The following CHRM3 variants were observed in gnomAD, a reference collection of about 807,000 sequenced individuals.
CHRM3 encodes muscarinic acetylcholine receptor M3.
In CHRM3, 11 loss-of-function variants were observed where a neutral mutation model predicts 41.8. The observed-to-expected ratio is 0.26, with a 90% CI of 0.17 to 0.44. CHRM3 has a LOEUF of 0.44. Ranked by LOEUF, CHRM3 falls within the 20% of genes least tolerant of loss-of-function variation. The pLI, the probability that CHRM3 is intolerant of heterozygous loss-of-function variation, is 1.00. For missense variants in CHRM3, 571 were observed against 745.4 expected, an observed-to-expected ratio of 0.77 and a Z score of 2.72; for synonymous variants, 297 against 301.4, an observed-to-expected ratio of 0.99 and a Z score of 0.15.
chr1:239,712,929 C>G (rs1433824702), intron 5 of CHRM3, among the ~76,000 whole-genome samples: 1 of 152,138 alleles, frequency 6.6e-6, no homozygotes, highest in Non-Finnish European at 1.5e-5. Context: ...AGGATTTAAA[C>G]ATAGGTATGA....
intron 1 of CHRM3, among the ~76,000 whole-genome samples, chr1:239,464,875 G>T (rs932810037): frequency 6.6e-6 from 1 of 151,886 alleles, no homozygotes; most frequent in African/African-American, 2.4e-5. Flanking sequence ...TTATGTTTTC[G>T]TTTGAGATGT....
intron 6 of CHRM3, chr1:239,897,869 C>T (rs1329171753): frequency 6.6e-6 from 1 of 152,202 alleles, no homozygotes; most frequent in Non-Finnish European, 1.5e-5. Context: ...GCTACTGCTA[C>T]ACGTAAGAGG....
rs191813612 is a variant in CHRM3, at chr1:239,446,205, A to G, written c.-520-46504A>G. On this transcript the variant is annotated intron_variant, in intron 1 of 6. Transcript: ENST00000676153. ...CCGCCTTGGCCTCCCAAAGTGTTGCAATTACAGGCGTGAGCCACCATGCCT... is the reference window on the plus strand; with the variant it reads ...CCGCCTTGGCCTCCCAAAGTGTTGCGATTACAGGCGTGAGCCACCATGCCT... Among the ~76,000 whole-genome samples the G allele has an allele frequency of 7.6e-3, 1,155 of 152,266 alleles. 8 individuals carry two copies. Among genetic ancestry groups the G allele is most frequent in the African/African-American group, 0.024 (1,015 of 41,548 alleles).
At chr1:239,505,490 C>G (rs1027057796) in intron 2 of CHRM3, among the ~76,000 whole-genome samples, 1 of 152,148 alleles carries the variant, frequency 6.6e-6, no homozygotes, top group Non-Finnish European at 1.5e-5. Flanking sequence ...TGCACAAGCT[C>G]TCTTCTCTTG....
chr1:239,699,176 G>C (rs1660461700), intron 5 of CHRM3, among the ~76,000 whole-genome samples: 1 of 151,756 alleles, frequency 6.6e-6, no homozygotes, highest in Non-Finnish European at 1.5e-5. Context: ...AGTATGTTCT[G>C]TTTTACTACA....
chr1:239,786,706 G>A (rs932376100), intron 5 of CHRM3, among the ~76,000 whole-genome samples: 2 of 144,842 alleles, frequency 1.4e-5, no homozygotes, highest in African/African-American at 5.4e-5. Flanking sequence ...GAGGGCAGGC[G>A]GGCCTTCCAC....
intron 6 of CHRM3, among the ~76,000 whole-genome samples, chr1:239,866,004 C>G (rs918427491): frequency 6.6e-6 from 1 of 152,088 alleles, no homozygotes; most frequent in African/African-American, 2.4e-5. Flanking sequence ...TGATTTAATC[C>G]TGGCAACAGC....
chr1:239,515,173 A>G (rs1669175542), intron 2 of CHRM3, among the ~76,000 whole-genome samples: 1 of 152,218 alleles, frequency 6.6e-6, no homozygotes, highest in South Asian at 2.1e-4. Flanking sequence ...GTTAGTATAT[A>G]TATTTCTCTA....
chr1:239,438,763 A>C (rs1423830002), intron 1 of CHRM3, among the ~76,000 whole-genome samples: 1 of 152,206 alleles, frequency 6.6e-6, no homozygotes, highest in Admixed American at 6.5e-5. Context: ...ATAAGTGTGC[A>C]TCTAAAAAGA....
intron 1 of CHRM3, among the ~76,000 whole-genome samples, chr1:239,442,247 C>T (rs1663785745): frequency 6.6e-6 from 1 of 151,842 alleles, no homozygotes; most frequent in Non-Finnish European, 1.5e-5. Context: ...GCTGGGATTA[C>T]AGGCACCTGT....
intron 6 of CHRM3, chr1:239,899,813 G>C (rs1405453761): frequency 6.6e-6 from 1 of 152,136 alleles, no homozygotes; most frequent in Non-Finnish European, 1.5e-5. Flanking sequence ...TCTGGTGCCT[G>C]GAACACTTCA....
chr1:239,449,303 G>A (rs1664390344), intron 1 of CHRM3, among the ~76,000 whole-genome samples: 2 of 152,120 alleles, frequency 1.3e-5, no homozygotes, highest in African/African-American at 4.8e-5. Flanking sequence ...CTCAATGTAG[G>A]TATTTAGTAA....
At position 239,877,196 on chromosome 1, in the gene CHRM3, A is replaced by T. The variant is rs544072179; in HGVS notation, c.-19-30237A>T. Among the ~76,000 whole-genome samples, 11 of 152,342 alleles carry T rather than the reference A, an allele frequency of 7.2e-5. No individual in the cohort carries two copies. In the South Asian group the frequency reaches 2.1e-3, roughly 29 times the overall value. On this transcript the variant is annotated intron_variant, in intron 6 of 6. Transcript: ENST00000676153. ...ATTCTAGTGAATCATCCCTTTGGAA[A>T]CTAATTGAAAGTTTTTTTATTTTGA...
intron 1 of CHRM3, among the ~76,000 whole-genome samples, chr1:239,477,312 A>G (rs1666532253): frequency 6.6e-6 from 1 of 152,336 alleles, no homozygotes; most frequent in Non-Finnish European, 1.5e-5. Flanking sequence ...TAAAGAGAGC[A>G]TGTAGAGAAA....
intron 2 of CHRM3, among the ~76,000 whole-genome samples, chr1:239,527,197 A>G (rs890686704): frequency 2.2e-4 from 33 of 152,200 alleles, no homozygotes; most frequent in African/African-American, 2.4e-5. Context: ...TTAACAACCT[A>G]CAAAACAGTT....
chr1:239,564,679 TG>T (rs1427310614), intron 3 of CHRM3, among the ~76,000 whole-genome samples: 10 of 152,162 alleles, frequency 6.6e-5, no homozygotes, highest in African/African-American at 2.4e-4. Context: ...TATTTTTCAT[TG>T]GAATTTTTGC....
chr1:239,798,120 T>C (rs1438124388), intron 5 of CHRM3, among the ~76,000 whole-genome samples: 2 of 152,312 alleles, frequency 1.3e-5, no homozygotes, highest in East Asian at 3.9e-4. Flanking sequence ...CACCTCCTTT[T>C]TCCCAGTTGC....
intron 1 of CHRM3, among the ~76,000 whole-genome samples, chr1:239,420,832 T>C (rs1180580379): frequency 1.3e-5 from 2 of 152,174 alleles, no homozygotes; most frequent in African/African-American, 4.8e-5. Context: ...GAAACTTCTA[T>C]AAATATACCA....
intron 5 of CHRM3, among the ~76,000 whole-genome samples, chr1:239,808,988 G>T (rs542284923): frequency 6.7e-6 from 1 of 149,530 alleles, no homozygotes; most frequent in South Asian, 2.1e-4. Flanking sequence ...CCCTCACCCT[G>T]TCAAAGTCTG....
Sources: gnomAD v4.1 joint callset for allele counts (sites outside exome capture counted in the v4.1 genomes callset) on GRCh38, gnomAD v4.1.1 for gene constraint, MANE v1.5 for transcripts, NCBI Gene and HGNC (gene_info 2026-07-23, HGNC 2026-07-21) for gene names.